ALDH1L2: variants seen among roughly 807,000 people sequenced by gnomAD.
ALDH1L2 encodes the protein mitochondrial 10-formyltetrahydrofolate dehydrogenase.
ALDH1L2 carries 91 observed loss-of-function variants against 111.0 expected under a neutral mutation model. That is an observed-to-expected ratio of 0.82 (90% CI 0.69 to 0.98). The LOEUF (loss-of-function observed/expected upper bound fraction) is 0.98. ALDH1L2 is among the 50% of genes least tolerant of loss of function. ALDH1L2 has a pLI of 0.00. For synonymous variants in ALDH1L2, 374 were observed against 392.6 expected (o/e 0.95, Z 0.56); for missense variants, 995 against 1,126.8 (o/e 0.88, Z 1.67).
intron 15 of ALDH1L2, among the ~76,000 whole-genome samples, chr12:105,043,317 CA>C (rs1232201660): frequency 2.0e-5 from 3 of 152,048 alleles, no homozygotes; most frequent in African/African-American, 7.2e-5. Flanking sequence ...TACAAGTGGC[CA>C]AAAAATGTGC....
At chr12:105,078,308 AATTAGCTGGGC>A (rs1878167871) in intron 1 of ALDH1L2, among the ~76,000 whole-genome samples, 1 of 152,076 alleles carries the variant, frequency 6.6e-6, no homozygotes, top group Non-Finnish European at 1.5e-5. Context: ...AGTACAAAAA[AATTAGCTGGGC>A]ATGGTGGCGC....
rs748876720 is a variant in ALDH1L2, at chr12:105,065,256, C to T, written c.786+11G>A. On this transcript the variant is annotated intron_variant, in intron 6 of 22. Coordinates refer to ENST00000258494, the MANE Select transcript of ALDH1L2 (RefSeq NM_001034173.4). ...GGGAGGGGGGTGGGGGGAGTGGTCCCTAAAACATACCTGTCCATTTATCTC... is the reference window on the plus strand; with the variant it reads ...GGGAGGGGGGTGGGGGGAGTGGTCCTTAAAACATACCTGTCCATTTATCTC... 20 of 1,596,800 alleles carry T rather than the reference C, an allele frequency of 1.3e-5. No individual in the cohort carries two copies. In the African/African-American group the frequency reaches 1.6e-4, roughly 13 times the overall value.
At chr12:105,072,939 A>C (rs1278118776) in intron 2 of ALDH1L2, among the ~76,000 whole-genome samples, 2 of 152,154 alleles carry the variant, frequency 1.3e-5, no homozygotes, top group Admixed American at 1.3e-4. Flanking sequence ...GTGCCACTGC[A>C]CTCCAGCCTG....
At position 105,031,773 on chromosome 12, in the gene ALDH1L2, C is replaced by T. The variant is rs756190623; in HGVS notation, c.2406G>A (p.Arg802=). Reference sequence around the variant, plus strand: ...CCCCCACAGAGGTGATCTTACCTGGCCTTTGGACTTGTCTTCCCCCGTACA... The same window carrying T: ...CCCCCACAGAGGTGATCTTACCTGGTCTTTGGACTTGTCTTCCCCCGTACA... ...TLVYGGRQVQ[R]PGFFMEPTVF... Residue 802 remains arginine (R), a synonymous_variant, in exon 20 of 23, where the codon AGG becomes AGA. Transcript: ENST00000258494. 9.9e-6 allele frequency: 16 copies of T among 1,613,922 alleles called. No homozygotes were observed. The highest frequency in any genetic ancestry group is 1.4e-5 in the Non-Finnish European group (16 of 1,179,952).
chr12:105,038,035 A>T (rs988703086), intron 18 of ALDH1L2, 68 bp downstream of exon 18: 2 of 1,338,444 alleles, frequency 1.5e-6, no homozygotes, highest in Non-Finnish European at 2.1e-6. Flanking sequence ...CCAAAGTGCT[A>T]GGATTACAGG....
intron 1 of ALDH1L2, among the ~76,000 whole-genome samples, chr12:105,079,839 T>C (rs1311499167): frequency 6.6e-6 from 1 of 152,226 alleles, no homozygotes; most frequent in Non-Finnish European, 1.5e-5. Flanking sequence ...TGGTGTGAAT[T>C]CTACAGACCT....
chr12:105,049,672 G>A, intron 13 of ALDH1L2: 1 of 361,516 alleles, frequency 2.8e-6, no homozygotes, highest in Non-Finnish European at 4.9e-6. Context: ...GGCCAAACCT[G>A]CTGACACCTT....
At chr12:105,050,222 A>G (rs1008231031) in intron 12 of ALDH1L2, 164 bp from the exon 13 acceptor site, 8 of 558,856 alleles carry the variant, frequency 1.4e-5, no homozygotes, top group Non-Finnish European at 2.2e-5. Flanking sequence ...CATTAAACAA[A>G]TATTTTCATA....
At chr12:105,069,767 G>C (rs1479910507) in intron 3 of ALDH1L2, among the ~76,000 whole-genome samples, 1 of 152,212 alleles carries the variant, frequency 6.6e-6, no homozygotes, top group Non-Finnish European at 1.5e-5. Context: ...AGAGAAGGCA[G>C]AAAGGGTAGG....
chr12:105,068,906 T>C, intron 3 of ALDH1L2, 22 bp from the exon 4 acceptor site: 13 of 1,521,734 alleles, frequency 8.5e-6, no homozygotes, highest in Non-Finnish European at 1.1e-5. Context: ...AGAATTTCAA[T>C]TTAAAATGTT....
At chr12:105,049,520 C>T (rs111619511) in intron 13 of ALDH1L2, 1,970 of 153,600 alleles carry the variant, frequency 0.013, 56 homozygotes, top group African/African-American at 0.045. Flanking sequence ...GTCGTGAGGG[C>T]TCCACCTTAA....
At chr12:105,065,568 T>G (rs1877299672) in intron 5 of ALDH1L2, among the ~76,000 whole-genome samples, 1 of 152,242 alleles carries the variant, frequency 6.6e-6, no homozygotes, top group South Asian at 2.1e-4. Context: ...AGAGGGTTAT[T>G]TAAAGGGACA....
intron 8 of ALDH1L2, among the ~76,000 whole-genome samples, 176 bp downstream of exon 8, chr12:105,061,451 G>A (rs1876998558): frequency 1.3e-5 from 2 of 152,128 alleles, no homozygotes; most frequent in South Asian, 4.1e-4. Flanking sequence ...TGAAAAATCA[G>A]TTTGTATATA....
intron 15 of ALDH1L2, among the ~76,000 whole-genome samples, chr12:105,042,478 G>A (rs886535189): frequency 6.6e-6 from 1 of 152,060 alleles, no homozygotes; most frequent in Non-Finnish European, 1.5e-5. Context: ...AGTGACTTGG[G>A]TTCATGCTTC....
At chr12:105,047,820 G>A (rs755054750) in intron 13 of ALDH1L2, 22 of 152,150 alleles carry the variant, frequency 1.4e-4, no homozygotes, top group Non-Finnish European at 2.5e-4. Flanking sequence ...CTTTAGAAGT[G>A]TAATATAGTG....
At chr12:105,070,451 T>C in intron 3 of ALDH1L2, 119 bp downstream of exon 3, 2 of 816,362 alleles carry the variant, frequency 2.4e-6, no homozygotes, top group South Asian at 3.7e-5. Context: ...AATCCTGAAA[T>C]CTCAGCTACT....
intron 20 of ALDH1L2, among the ~76,000 whole-genome samples, chr12:105,031,180 C>T (rs1351392969): frequency 6.6e-6 from 1 of 152,194 alleles, no homozygotes; most frequent in Non-Finnish European, 1.5e-5. Flanking sequence ...ACCATCACAA[C>T]CATCTTTAAG....
intron 1 of ALDH1L2, among the ~76,000 whole-genome samples, chr12:105,081,407 G>A (rs1376687301): frequency 6.6e-6 from 1 of 152,132 alleles, no homozygotes; most frequent in East Asian, 1.9e-4. Context: ...GAGAAATAAA[G>A]CAGGTACTTG....
At chr12:105,036,516 A>ATATC (rs1565952214) in intron 18 of ALDH1L2, among the ~76,000 whole-genome samples, 1 of 4,122 alleles carries the variant, frequency 2.4e-4, no homozygotes, top group Non-Finnish European at 3.7e-4. Flanking sequence ...TATATATTTT[A>ATATC]TATATATATA....
Sources: gnomAD v4.1 joint callset for allele counts (sites outside exome capture counted in the v4.1 genomes callset) on GRCh38, gnomAD v4.1.1 for gene constraint, MANE v1.5 for transcripts, NCBI Gene and HGNC (gene_info 2026-07-23, HGNC 2026-07-21) for gene names.